MOB3B: variants seen among roughly 807,000 people sequenced by gnomAD.
The protein encoded by MOB3B is MOB kinase activator 3B.
In MOB3B, 7 loss-of-function variants were observed where a neutral mutation model predicts 18.7. The observed-to-expected ratio is 0.37, with a 90% CI of 0.21 to 0.70. The LOEUF is 0.70. Ranked by LOEUF, MOB3B falls within the 30% of genes least tolerant of loss-of-function variation. The pLI is 0.52. For missense variants in MOB3B, 253 were observed against 281.3 expected (o/e 0.90, Z 0.72); for synonymous variants, 111 against 99.9 (o/e 1.11, Z -0.66).
intron 2 of MOB3B, among the ~76,000 whole-genome samples, chr9:27,362,432 T>C (rs1330502962): frequency 6.6e-6 from 1 of 152,230 alleles, no homozygotes; most frequent in African/African-American, 2.4e-5. Context: ...TGTACTGTGC[T>C]TGGCACTCAA....
At chr9:27,465,106 T>G (rs1053630123) in intron 1 of MOB3B, among the ~76,000 whole-genome samples, 4 of 152,134 alleles carry the variant, frequency 2.6e-5, no homozygotes, top group Admixed American at 6.6e-5. Flanking sequence ...AAGTCCATAG[T>G]CCAAAGTCTC....
intron 3 of MOB3B, among the ~76,000 whole-genome samples, chr9:27,333,632 G>A (rs771020302): frequency 8.5e-5 from 13 of 152,324 alleles, no homozygotes; most frequent in Middle Eastern, 6.8e-3. Flanking sequence ...AGTTCCTGGT[G>A]ACTGTGCTTG....
At chr9:27,392,501 C>G (rs569888204) in intron 2 of MOB3B, among the ~76,000 whole-genome samples, 161 of 152,138 alleles carry the variant, frequency 1.1e-3, no homozygotes, top group African/African-American at 3.7e-3. Flanking sequence ...CAAAAGGGCA[C>G]TTAAAAAAGT....
At chr9:27,406,119 AC>A (rs1235943726) in intron 2 of MOB3B, among the ~76,000 whole-genome samples, 4 of 152,230 alleles carry the variant, frequency 2.6e-5, no homozygotes, top group Admixed American at 6.5e-5. Flanking sequence ...AAATCAGAAA[AC>A]AATGAAGTCA....
intron 1 of MOB3B, among the ~76,000 whole-genome samples, chr9:27,479,910 A>G (rs1819621109): frequency 6.6e-6 from 1 of 152,176 alleles, no homozygotes; most frequent in Non-Finnish European, 1.5e-5. Context: ...TTTAAAAATT[A>G]GCTGGATGTG....
At chr9:27,375,475 C>A (rs1280940210) in intron 2 of MOB3B, among the ~76,000 whole-genome samples, 1 of 152,188 alleles carries the variant, frequency 6.6e-6, no homozygotes, top group Non-Finnish European at 1.5e-5. Context: ...ATATGCTTAA[C>A]TTTCTTACCT....
chr9:27,411,912 G>T (rs1822072589), intron 2 of MOB3B, among the ~76,000 whole-genome samples: 2 of 152,080 alleles, frequency 1.3e-5, no homozygotes, highest in Admixed American at 1.3e-4. Flanking sequence ...TAATAATAGG[G>T]GAAATTGTGG....
chr9:27,524,941 C>CAAA (rs1447434469), intron 1 of MOB3B: 3 of 1,598,798 alleles, frequency 1.9e-6, no homozygotes, highest in African/African-American at 2.7e-5. Context: ...AAATTTACAG[C>CAAA]TCTATTCAGG....
Position 27,504,976 on chromosome 9 carries a change from A to G in MOB3B, c.-199+24579T>C, listed in dbSNP as rs1820038041. Among the ~76,000 whole-genome samples the G allele has an allele frequency of 3.3e-5, 5 of 152,066 alleles. No individual in the cohort carries two copies. The South Asian group carries it at 8.3e-4, about 25-fold the overall frequency. On this transcript the variant is annotated intron_variant, in intron 1 of 3. Transcript: ENST00000262244. ...TCTGCTTCTGTCATTGCATCTCCTCAGACTCTCGCTTGCCTGCCTCCTTCT... is the reference window on the plus strand; with the variant it reads ...TCTGCTTCTGTCATTGCATCTCCTCGGACTCTCGCTTGCCTGCCTCCTTCT...
intron 1 of MOB3B, among the ~76,000 whole-genome samples, chr9:27,508,214 C>T (rs143589453): frequency 6.6e-6 from 1 of 152,152 alleles, no homozygotes; most frequent in Non-Finnish European, 1.5e-5. Context: ...TGCCTTTGGG[C>T]TAAAACATAC....
At chr9:27,469,810 G>A (rs1208717457) in intron 1 of MOB3B, among the ~76,000 whole-genome samples, 2 of 152,134 alleles carry the variant, frequency 1.3e-5, no homozygotes, top group African/African-American at 4.8e-5. Flanking sequence ...TTCGTGCCAG[G>A]CGTGGTAGCT....
chr9:27,528,654 G>A (rs190965131), intron 1 of MOB3B, among the ~76,000 whole-genome samples: 1 of 152,316 alleles, frequency 6.6e-6, no homozygotes, highest in Admixed American at 6.5e-5. Context: ...AGCCCCGCCA[G>A]ATGTTGGAAA....
At chr9:27,523,530 A>G (rs61128370) in intron 1 of MOB3B, among the ~76,000 whole-genome samples, 3,748 of 152,286 alleles carry the variant, frequency 0.025, 161 homozygotes, top group African/African-American at 0.085. Context: ...TGAGGCAGAA[A>G]GATATTCTCA....
intron 2 of MOB3B, among the ~76,000 whole-genome samples, chr9:27,422,109 C>A (rs985621004): frequency 1.3e-5 from 2 of 152,176 alleles, no homozygotes; most frequent in Admixed American, 6.5e-5. Context: ...TACATGAATA[C>A]GTGAATGAAT....
chr9:27,423,388 T>A (rs1379523849), intron 2 of MOB3B, among the ~76,000 whole-genome samples: 3 of 145,146 alleles, frequency 2.1e-5, no homozygotes, highest in Non-Finnish European at 3.0e-5. Flanking sequence ...TTTTTTGTAA[T>A]GGCAATACTC....
Position 27,454,195 on chromosome 9 carries a change from C to T in MOB3B, c.418+938G>A, listed in dbSNP as rs146426209. ...TTCCAGGTGCTATGTGGGGACACATCCTACCCCAATCTAGAGGTGATTTCA... is the reference window on the plus strand; with the variant it reads ...TTCCAGGTGCTATGTGGGGACACATTCTACCCCAATCTAGAGGTGATTTCA... On this transcript the variant is annotated intron_variant, in intron 2 of 3. Transcript: ENST00000262244. Among the ~76,000 whole-genome samples the T allele has an allele frequency of 2.2e-3, 339 of 152,336 alleles. 1 individual carries two copies. The highest frequency in any genetic ancestry group is 7.9e-3 in the African/African-American group (330 of 41,576).
chr9:27,496,512 A>G (rs1819902944), intron 1 of MOB3B, among the ~76,000 whole-genome samples: 1 of 152,240 alleles, frequency 6.6e-6, no homozygotes, highest in Non-Finnish European at 1.5e-5. Context: ...AAACTTCTCC[A>G]GGTACATGTA....
intron 1 of MOB3B, among the ~76,000 whole-genome samples, chr9:27,465,114 C>T (rs918699073): frequency 6.6e-6 from 1 of 152,160 alleles, no homozygotes; most frequent in Non-Finnish European, 1.5e-5. Context: ...AGTCCAAAGT[C>T]TCATCTGAGA....
rs555399783 is a variant in MOB3B at position 27,436,067 on chromosome 9, C to T, written c.418+19066G>A. ...GGACCTTTGTAGCTGTTGTTCTACC[C>T]CGCTACCCAGACCCCGTACCACCAT... On this transcript the variant is annotated intron_variant, in intron 2 of 3. Transcript: ENST00000262244. Among the ~76,000 whole-genome samples, 7 of 152,282 alleles carry T rather than the reference C, an allele frequency of 4.6e-5. No homozygotes were observed. The South Asian group carries it at 1.5e-3, about 32-fold the overall frequency.
Sources: gnomAD v4.1 joint callset for allele counts (sites outside exome capture counted in the v4.1 genomes callset) on GRCh38, gnomAD v4.1.1 for gene constraint, MANE v1.5 for transcripts, NCBI Gene and HGNC (gene_info 2026-07-23, HGNC 2026-07-21) for gene names.